Variants in TENM4 observed in about 807,000 individuals in gnomAD.
The protein encoded by TENM4 is teneurin-4.
A neutral mutation model predicts 243.3 loss-of-function variants in TENM4; 82 were observed. The observed-to-expected ratio is 0.34, with a 90% CI of 0.28 to 0.40. The LOEUF is 0.40. TENM4 is among the 10% of genes least tolerant of loss of function. The pLI is 1.00. For missense variants in TENM4, 3,138 were observed against 3,673.3 expected, an observed-to-expected ratio of 0.85 and a Z score of 3.77; for synonymous variants, 1,412 against 1,456.3, an observed-to-expected ratio of 0.97 and a Z score of 0.69.
chr11:79,154,064 C>T (rs1315834552), intron 3 of TENM4, among the ~76,000 whole-genome samples: 1 of 152,018 alleles, frequency 6.6e-6, no homozygotes, highest in Admixed American at 6.6e-5. Flanking sequence ...TGTTCAAGCT[C>T]CTCAAGAGCT....
chr11:79,386,159 G>T (rs114245890), intron 1 of TENM4, among the ~76,000 whole-genome samples: 1 of 152,158 alleles, frequency 6.6e-6, no homozygotes, highest in East Asian at 1.9e-4. Context: ...CTGTGGTACC[G>T]TGGGGAAAGA....
chr11:78,694,694 C>T (rs2135741416), intron 28 of TENM4, among the ~76,000 whole-genome samples: 2 of 152,330 alleles, frequency 1.3e-5, no homozygotes, highest in Non-Finnish European at 2.9e-5. Context: ...TCTGTCCTCT[C>T]TCTGCCCAGA....
chr11:78,917,913 A>G (rs1856354566), intron 6 of TENM4, among the ~76,000 whole-genome samples: 1 of 152,210 alleles, frequency 6.6e-6, no homozygotes, highest in Non-Finnish European at 1.5e-5. Context: ...GACATTAGTC[A>G]TAGGGTTGCC....
intron 15 of TENM4, among the ~76,000 whole-genome samples, chr11:78,799,744 C>A (rs577185302): frequency 1.3e-5 from 2 of 152,366 alleles, no homozygotes; most frequent in Admixed American, 1.3e-4. Flanking sequence ...TTCCACAAAA[C>A]TCAATTGCAA....
At position 79,236,454 on chromosome 11, in the gene TENM4, C is replaced by G. The variant is rs948899728; in HGVS notation, c.-264-20545G>C. 5.9e-5 allele frequency among the ~76,000 whole-genome samples: 9 copies of G among 152,244 alleles called. No individual in the cohort carries two copies. In the South Asian group the frequency reaches 1.9e-3, roughly 32 times the overall value. ...TTATTTGCTCCTAAATGAAATGGCC[C>G]CAGCATCATTTCATGCTTTTGAAGT... On this transcript the variant is annotated intron_variant, in intron 2 of 33. Transcript: ENST00000278550.
intron 1 of TENM4, among the ~76,000 whole-genome samples, chr11:79,318,871 T>C (rs1344444816): frequency 6.6e-6 from 1 of 152,104 alleles, no homozygotes; most frequent in Non-Finnish European, 1.5e-5. Context: ...AGAAGAAAAC[T>C]CCTCTCCATG....
chr11:79,109,498 G>C (rs920277178), intron 4 of TENM4, among the ~76,000 whole-genome samples: 2 of 152,190 alleles, frequency 1.3e-5, no homozygotes, highest in African/African-American at 4.8e-5. Flanking sequence ...GAGACAGATA[G>C]AAGTGAGAGG....
In TENM4 at chr11:78,903,508, A is replaced by T. The variant is rs1855987560; in HGVS notation, c.509T>A (p.Leu170Gln). 3.9e-6 allele frequency: 6 copies of T among 1,547,040 alleles called. No homozygotes were observed. Among genetic ancestry groups the T allele is most frequent in the Non-Finnish European group, 4.4e-6 (5 of 1,146,592 alleles). The change falls in exon 7 of 34, where the codon CTG becomes CAG. Residue 170 changes from leucine to glutamine, a missense_variant. Physicochemically the swap from Leu to Gln is moderately radical, Grantham distance 113. Coordinates refer to ENST00000278550, the MANE Select transcript of TENM4 (RefSeq NM_001098816.3). ...CGTCCGGAGCCGCGCGTGGTTCTGC[A>T]GGCCGCCCGGATGATCTAGGGCACA... ...ENTETDHPGG[L>Q]QNHARLRTPP...
At chr11:78,736,027 C>G (rs1046727005) in intron 20 of TENM4, among the ~76,000 whole-genome samples, 3 of 152,058 alleles carry the variant, frequency 2.0e-5, no homozygotes, top group Non-Finnish European at 4.4e-5. Context: ...TCATGGCTCA[C>G]TGAAGCCTTG....
chr11:78,959,167 A>T (rs1415590033), intron 6 of TENM4, among the ~76,000 whole-genome samples: 1 of 152,116 alleles, frequency 6.6e-6, no homozygotes, highest in Non-Finnish European at 1.5e-5. Flanking sequence ...AATGAGCACT[A>T]AATTAAAAGT....
At chr11:78,925,956 T>A (rs77805591) in intron 6 of TENM4, among the ~76,000 whole-genome samples, 6,383 of 142,174 alleles carry the variant, frequency 0.045, 389 homozygotes, top group African/African-American at 0.15. Flanking sequence ...GGAAAAGAAA[T>A]AAAAAAAAAA....
intron 3 of TENM4, among the ~76,000 whole-genome samples, chr11:79,162,014 G>A (rs528059421): frequency 3.3e-4 from 51 of 152,272 alleles, no homozygotes; most frequent in Non-Finnish European, 5.0e-4. Flanking sequence ...AGAAGGAACC[G>A]GACCTGCCTC....
At chr11:79,091,455 C>T (rs183576974) in intron 4 of TENM4, among the ~76,000 whole-genome samples, 25 of 152,246 alleles carry the variant, frequency 1.6e-4, no homozygotes, top group African/African-American at 5.3e-4. Flanking sequence ...CTCTACCCTG[C>T]GGAGGAAGCT....
chr11:79,243,140 G>C lies in TENM4; in HGVS notation c.-264-27231C>G, dbSNP rs138605063. Among the ~76,000 whole-genome samples the C allele has an allele frequency of 6.1e-3, 931 of 152,198 alleles. 2 individuals are homozygous for C. The highest frequency in any genetic ancestry group is 9.3e-3 in the Non-Finnish European group (635 of 68,014). ...AGTGACTTTCATCGGGGCACTGAGG[G>C]GGGCCTTGTGTGCTCCTTGTCCCCA... On this transcript the variant is annotated intron_variant, in intron 2 of 33. Coordinates refer to ENST00000278550, the MANE Select transcript of TENM4 (RefSeq NM_001098816.3).
In TENM4 at chr11:78,670,339, G is replaced by A; in HGVS notation, c.6006C>T (p.Phe2002=). 6.2e-7 allele frequency: 1 copy of A among 1,613,940 alleles called. No individual in the cohort carries two copies. The highest frequency in any genetic ancestry group is 8.5e-7 in the Non-Finnish European group (1 of 1,179,854). The part of the protein sequence containing the change: ...FTEDGHLLHT[F]YLGTGRRVIY... Reference sequence around the variant, plus strand: ...TCACCCTGCGGCCAGTGCCCAGGTAGAAGGTGTGAAGGAGGTGCCCATCCT... The same window carrying A: ...TCACCCTGCGGCCAGTGCCCAGGTAAAAGGTGTGAAGGAGGTGCCCATCCT... Residue 2002 remains phenylalanine (F), a synonymous_variant, in exon 32 of 34, where the codon TTC becomes TTT. Transcript: ENST00000278550.
intron 1 of TENM4, among the ~76,000 whole-genome samples, chr11:79,428,269 G>A (rs1859096412): frequency 6.6e-6 from 1 of 152,202 alleles, no homozygotes; most frequent in Admixed American, 6.5e-5. Context: ...CCAGTTTGAG[G>A]TGGGTTTGAG....
intron 22 of TENM4, among the ~76,000 whole-genome samples, chr11:78,727,972 C>G (rs1054304820): frequency 6.6e-6 from 1 of 152,216 alleles, no homozygotes; most frequent in Admixed American, 6.5e-5. Context: ...TCCCTGTGAC[C>G]CCTTCCCCCA....
chr11:79,109,889 C>G (rs1245304326), intron 4 of TENM4, among the ~76,000 whole-genome samples: 1 of 152,212 alleles, frequency 6.6e-6, no homozygotes, highest in African/African-American at 2.4e-5. Context: ...GGGCTACCCA[C>G]AGGGTTGTAG....
intron 2 of TENM4, among the ~76,000 whole-genome samples, chr11:79,242,753 C>A (rs1676045408): frequency 6.6e-6 from 1 of 152,168 alleles, no homozygotes; most frequent in African/African-American, 2.4e-5. Context: ...AGTGAACACC[C>A]GTGTGGATTC....
Sources: allele counts gnomAD v4.1 joint callset (sites outside exome capture counted in the v4.1 genomes callset), GRCh38; gene constraint gnomAD v4.1.1; transcripts MANE v1.5; gene names NCBI Gene and HGNC (gene_info 2026-07-23, HGNC 2026-07-21).